The following NOD1 variants were observed in gnomAD, a reference collection of about 807,000 sequenced individuals.
The protein encoded by NOD1 is nucleotide binding oligomerization domain containing 1, also known as nucleotide-binding oligomerization domain-containing protein 1.
Under a neutral mutation model 81.2 loss-of-function variants are expected in NOD1, and 70 were observed. The observed-to-expected ratio is 0.86, with a 90% CI of 0.71 to 1.05. NOD1 has a LOEUF of 1.05. Among genes scored for constraint, NOD1 ranks in the 50% least tolerant of loss-of-function variants. The pLI, the probability that NOD1 is intolerant of heterozygous loss-of-function variation, is 0.00. For synonymous variants in NOD1, 508 were observed against 526.9 expected (o/e 0.96, Z 0.49); for missense variants, 1,233 against 1,228.0 (o/e 1.00, Z -0.06).
chr7:30,456,878 T>G lies in NOD1; in HGVS notation c.44A>C (p.Glu15Ala). The stretch of plus-strand genomic sequence containing the variant: ...CAGTAATTGAATGTGGGGGTGAGAC[T>G]CTGATGGGATTATTTCCATCTCACT... ...GHSEMEIIPS[E>A]SHPHIQLLKS... is the part of the protein sequence containing the mutation. The change falls in exon 4 of 14, where the codon GAG becomes GCG. Residue 15 changes from glutamate to alanine, a missense_variant. Coordinates refer to ENST00000222823, the MANE Select transcript of NOD1 (RefSeq NM_006092.4). The G allele has an allele frequency of 6.2e-7, 1 of 1,614,230 alleles. No individual in the cohort carries two copies. Among genetic ancestry groups the G allele is most frequent in the Non-Finnish European group, 8.5e-7 (1 of 1,180,036 alleles).
rs766948759 is a variant in NOD1, at chr7:30,425,715, TGAAAA to T, written c.2790-10_2790-6del. 1.9e-6 allele frequency: 3 copies of T among 1,609,476 alleles called. No homozygotes were observed. Among genetic ancestry groups the T allele is most frequent in the East Asian group, 4.5e-5 (2 of 44,876 alleles). ...TTTATCAGGTTTCCATTTAGGCTGT[TGAAAA>T]GGAGGAAGACAAAAGTACACAGGTA... is the stretch of plus-strand genomic sequence containing the variant. On this transcript the variant is annotated splice_polypyrimidine_tract_variant and splice_region_variant and intron_variant, in intron 13 of 13. Coordinates refer to ENST00000222823, the MANE Select transcript of NOD1 (RefSeq NM_006092.4).
At chr7:30,430,319 C>T (rs768954099) in intron 12 of NOD1, among the ~76,000 whole-genome samples, 6 of 152,190 alleles carry the variant, frequency 3.9e-5, no homozygotes, top group Non-Finnish European at 8.8e-5. Flanking sequence ...TTTCAGCTAT[C>T]GCTAGGAAGC....
chr7:30,436,155 G>T, intron 10 of NOD1, 74 bp from the exon 11 acceptor site: 3 of 1,228,642 alleles, frequency 2.4e-6, no homozygotes, highest in Admixed American at 1.8e-5. Flanking sequence ...CATCAGAACA[G>T]CTGGGAAGCC....
chr7:30,465,803 T>G (rs1787635924), intron 1 of NOD1, among the ~76,000 whole-genome samples: 1 of 152,348 alleles, frequency 6.6e-6, no homozygotes, highest in East Asian at 1.9e-4. Flanking sequence ...ATCTTAGAGT[T>G]ACAACCCAGC....
chr7:30,446,363 G>A (rs550414879), intron 8 of NOD1, 139 bp from the exon 9 acceptor site: 16 of 699,984 alleles, frequency 2.3e-5, no homozygotes, highest in Non-Finnish European at 3.3e-5. Context: ...AAGAGCCATG[G>A]CCTGGGCCTC....
chr7:30,429,761 G>C (rs985026758), intron 12 of NOD1, among the ~76,000 whole-genome samples: 3 of 152,222 alleles, frequency 2.0e-5, no homozygotes, highest in Non-Finnish European at 2.9e-5. Context: ...GCCGGGTGCA[G>C]TGGCTCACAC....
chr7:30,448,487 G>C, intron 6 of NOD1, 106 bp from the exon 7 acceptor site: 1 of 938,388 alleles, frequency 1.1e-6, no homozygotes, highest in Non-Finnish European at 1.7e-6. Context: ...AGTTTTCTCA[G>C]GTATAGACGC....
intron 1 of NOD1, among the ~76,000 whole-genome samples, chr7:30,461,723 AG>A (rs148429594): frequency 0.011 from 1,630 of 152,232 alleles, 28 homozygotes; most frequent in African/African-American, 0.035. Flanking sequence ...TACTGATGCC[AG>A]GAATGATCTT....
At chr7:30,430,458 T>C (rs1783855391) in intron 12 of NOD1, among the ~76,000 whole-genome samples, 1 of 152,160 alleles carries the variant, frequency 6.6e-6, no homozygotes, top group South Asian at 2.1e-4. Context: ...GTTTGTAGAA[T>C]AGGCTCCTGC....
chr7:30,453,192 G>C, intron 5 of NOD1, 152 bp from the exon 6 acceptor site: 2 of 761,058 alleles, frequency 2.6e-6, no homozygotes, highest in Non-Finnish European at 4.2e-6. Context: ...TCAGATGCAG[G>C]ACCTGGGGAG....
chr7:30,459,646 G>C (rs1395234176), intron 2 of NOD1, among the ~76,000 whole-genome samples: 6 of 152,208 alleles, frequency 3.9e-5, no homozygotes, highest in Admixed American at 3.9e-4. Context: ...AAAGGCTCCA[G>C]GGTTGGGGCC....
chr7:30,476,971 C>T (rs990215664), intron 1 of NOD1, among the ~76,000 whole-genome samples: 4 of 152,234 alleles, frequency 2.6e-5, no homozygotes, highest in African/African-American at 4.8e-5. Flanking sequence ...AGAGCACCTG[C>T]CAGCGCCACC....
At position 30,464,883 on chromosome 7, in the gene NOD1, T is replaced by C. The variant is rs553502455; in HGVS notation, c.-351-4842A>G. ...CTAGGCCAGGGCTGGCACTCAGTAATGAGCGAATCATTTACTAATTTCTGT... is the reference window on the plus strand; with the variant it reads ...CTAGGCCAGGGCTGGCACTCAGTAACGAGCGAATCATTTACTAATTTCTGT... On this transcript the variant is annotated intron_variant, in intron 1 of 13. Coordinates refer to ENST00000222823, the MANE Select transcript of NOD1 (RefSeq NM_006092.4). 2.4e-4 allele frequency among the ~76,000 whole-genome samples: 36 copies of C among 152,216 alleles called. 1 individual carries two copies. Among genetic ancestry groups the C allele is most frequent in the Non-Finnish European group, 4.9e-4 (33 of 68,036 alleles).
rs114032818 is a variant in NOD1 at position 30,457,302 on chromosome 7, A to G, written c.-121-260T>C. Among the ~76,000 whole-genome samples, 424 of 152,240 alleles carry G rather than the reference A, an allele frequency of 2.8e-3. 1 individual carries two copies. Among genetic ancestry groups the G allele is most frequent in the African/African-American group, 9.7e-3 (402 of 41,542 alleles). On this transcript the variant is annotated intron_variant, in intron 3 of 13. Coordinates refer to ENST00000222823, the MANE Select transcript of NOD1 (RefSeq NM_006092.4). ...CACCCATCTCTACAAAAATAAAAAA[A>G]ATTAGCCAGGCATGGTGGCGCACCT...
chr7:30,438,861 A>G, intron 9 of NOD1, among the ~76,000 whole-genome samples: 1 of 152,234 alleles, frequency 6.6e-6, no homozygotes, highest in East Asian at 1.9e-4. Context: ...AAGGGAGAGA[A>G]AGTGAGAGAG....
intron 6 of NOD1, among the ~76,000 whole-genome samples, chr7:30,449,892 T>C (rs544277511): frequency 8.5e-5 from 13 of 152,254 alleles, no homozygotes; most frequent in African/African-American, 2.4e-4. Context: ...GAGTTTCCCA[T>C]TGAAAAGATG....
intron 9 of NOD1, among the ~76,000 whole-genome samples, chr7:30,439,577 A>G (rs1166948339): frequency 2.5e-5 from 2 of 81,204 alleles, no homozygotes; most frequent in East Asian, 3.5e-4. Flanking sequence ...CCACGAGACT[A>G]TATCCCACAC....
rs369566061 is a variant in NOD1 at position 30,452,527 on chromosome 7, C to T, written c.890G>A (p.Arg297His). Residue 297 changes from arginine to histidine, a missense_variant, in exon 6 of 14, where the codon CGC becomes CAC. By Grantham distance (29) the Arg-to-His change is conservative. Coordinates refer to ENST00000222823, the MANE Select transcript of NOD1 (RefSeq NM_006092.4). ...CCAGGGGCAGGAGCTGTCAGGCACGCGGCTCAGGTCCAAGTCCGAGTGCAG... is the reference window on the plus strand; with the variant it reads ...CCAGGGGCAGGAGCTGTCAGGCACGTGGCTCAGGTCCAAGTCCGAGTGCAG... ...DELHSDLDLS[R>H]VPDSSCPWEP... is the part of the protein sequence containing the mutation. The T allele has an allele frequency of 1.9e-5, 30 of 1,612,944 alleles. No individual in the cohort carries two copies. The highest frequency in any genetic ancestry group is 3.3e-4 in the Middle Eastern group (2 of 6,084).
intron 7 of NOD1, 172 bp from the exon 8 acceptor site, chr7:30,447,222 C>A: frequency 9.8e-7 from 1 of 1,015,302 alleles, no homozygotes; most frequent in African/African-American, 1.6e-5. Context: ...TCAAAACCAG[C>A]TCCACTACTT....
Sources: allele counts gnomAD v4.1 joint callset (sites outside exome capture counted in the v4.1 genomes callset), GRCh38; gene constraint gnomAD v4.1.1; transcripts MANE v1.5; gene names NCBI Gene and HGNC (gene_info 2026-07-23, HGNC 2026-07-21).